Variants in SPIRE2 observed in about 807,000 individuals in gnomAD.
SPIRE2 encodes spire type actin nucleation factor 2.
SPIRE2 carries 76 observed loss-of-function variants against 80.7 expected under a neutral mutation model. That is an observed-to-expected ratio of 0.94 (90% CI 0.78 to 1.14). The LOEUF (loss-of-function observed/expected upper bound fraction) is 1.14, where lower values mean the gene tolerates loss of function less well. Ranked by LOEUF, SPIRE2 falls within the 50% of genes most tolerant of loss-of-function variation. The pLI, the probability that SPIRE2 is intolerant of heterozygous loss-of-function variation, is 0.00. For synonymous variants in SPIRE2, 535 were observed against 432.6 expected (o/e 1.24, Z -2.94); for missense variants, 1,196 against 1,015.3 (o/e 1.18, Z -2.42).
At chr16:89,850,087 C>T (rs962704476) in intron 2 of SPIRE2, 6 of 679,584 alleles carry the variant, frequency 8.8e-6, no homozygotes, top group South Asian at 6.1e-5. Context: ...CCGCCCGCCT[C>T]GGCCTCCCAA....
chr16:89,847,544 G>C (rs1017247538), intron 2 of SPIRE2, among the ~76,000 whole-genome samples: 5 of 152,188 alleles, frequency 3.3e-5, no homozygotes, highest in African/African-American at 9.7e-5. Context: ...AGCCTGGACT[G>C]TTTGTCTCAG....
chr16:89,871,181 A>T lies in SPIRE2; in HGVS notation c.*909A>T, dbSNP rs1244875021. On this transcript the variant is annotated 3_prime_UTR_variant, in exon 15 of 15. Transcript: ENST00000378247. ...CATGTGTCCTGCCTCTCCTGGCCCT[A>T]CCACATTCTGGTGCTGTCCTCACTC... 6.6e-6 allele frequency: 1 copy of T among 152,102 alleles called. No individual in the cohort carries two copies. The highest frequency in any genetic ancestry group is 1.5e-5 in the Non-Finnish European group (1 of 68,236). 9.4% of individuals were successfully genotyped at this position (152,102 alleles called of 1,614,324 possible). A position where few individuals can be genotyped will look rare whatever the true frequency, so the allele number is the denominator to read the frequency against.
chr16:89,863,722 G>A lies in SPIRE2; in HGVS notation c.1711-72G>A. Reference sequence around the variant, plus strand: ...CATGATCTGGTTGGGAGCCCTGAGGGGGTAGCAGGGACAGGGCGGGACCCC... The same window carrying A: ...CATGATCTGGTTGGGAGCCCTGAGGAGGTAGCAGGGACAGGGCGGGACCCC... On this transcript the variant is annotated intron_variant, in intron 11 of 14. Coordinates refer to ENST00000378247, the MANE Select transcript of SPIRE2 (RefSeq NM_032451.2). The surrounding 1 kb of genome is among the most constrained non-coding windows in gnomAD (Gnocchi z 4.3). The A allele has an allele frequency of 1.2e-6, 2 of 1,604,160 alleles. No individual in the cohort carries two copies. Among genetic ancestry groups the A allele is most frequent in the Non-Finnish European group, 1.7e-6 (2 of 1,171,096 alleles).
Position 89,863,230 on chromosome 16 carries a change from C to T in SPIRE2, c.1576-246C>T, listed in dbSNP as rs550706841. On this transcript the variant is annotated intron_variant, in intron 10 of 14. Coordinates refer to ENST00000378247, the MANE Select transcript of SPIRE2 (RefSeq NM_032451.2). The surrounding 1 kb of genome is among the most constrained non-coding windows in gnomAD (Gnocchi z 4.3). ...TGGGCTGAGGGGAGTTTGTGTGGAG[C>T]GTGGCCAGTGAAGGCTGGGCTGGCC... 4 of 553,268 alleles carry T rather than the reference C, an allele frequency of 7.2e-6. No homozygotes were observed. Among genetic ancestry groups the T allele is most frequent in the East Asian group, 3.1e-5 (1 of 32,312 alleles). 34.3% of individuals were successfully genotyped at this position (553,268 alleles called of 1,614,324 possible).
In SPIRE2 at chr16:89,849,668, C is replaced by T. The variant is rs560550690; in HGVS notation, c.289-636C>T. Among the ~76,000 whole-genome samples, 10 of 152,202 alleles carry T rather than the reference C, an allele frequency of 6.6e-5. No individual in the cohort carries two copies. The South Asian group carries it at 1.7e-3, about 25-fold the overall frequency. On this transcript the variant is annotated intron_variant, in intron 2 of 14. Transcript: ENST00000378247. ...CTGTGGGCCTGGAAGTCGGTGCAGA[C>T]GATGGTGACTAGGGTGGGCAGGTCG...
chr16:89,869,675 A>C lies in SPIRE2; in HGVS notation c.1915A>C (p.Ile639Leu). ...AACCGCGCCAATCCAGAGAAGAGAC[A>C]TCTTTCAGTGCGTTCTTCGCCTTGC... ...AKTAPIQRRD[I>L]FQSLQGPQWQ... Residue 639 changes from isoleucine to leucine, a missense_variant, in exon 14 of 15, where the codon ATC (isoleucine) becomes CTC (leucine). Coordinates refer to ENST00000378247, the MANE Select transcript of SPIRE2 (RefSeq NM_032451.2). 1 of 1,612,480 alleles carries C rather than the reference A, an allele frequency of 6.2e-7. No individual in the cohort carries two copies. The highest frequency in any genetic ancestry group is 8.5e-7 in the Non-Finnish European group (1 of 1,178,512).
At chr16:89,834,580 T>C (rs1397542925) in intron 1 of SPIRE2, among the ~76,000 whole-genome samples, 1 of 110,232 alleles carries the variant, frequency 9.1e-6, no homozygotes, top group Non-Finnish European at 1.9e-5. Flanking sequence ...GAAGGCCCCA[T>C]AAGCATAGCC....
rs767990232 is a variant in SPIRE2 at position 89,863,526 on chromosome 16, G to A, written c.1626G>A (p.Met542Ile). The part of the protein sequence containing the change: ...ESLALTVEEV[M>I]DVRRVLVKAE... ...TGGCGCTGACTGTGGAAGAGGTGAT[G>A]GACGTGCGCCGTGTGCTGGTGAAGG... The change falls in exon 11 of 15, where the codon ATG (methionine) becomes ATA (isoleucine). Residue 542 changes from methionine (M) to isoleucine (I), a missense_variant. Coordinates refer to ENST00000378247, the MANE Select transcript of SPIRE2 (RefSeq NM_032451.2). The surrounding 1 kb of genome is among the most constrained non-coding windows in gnomAD (Gnocchi z 4.3). 1 of 1,614,100 alleles carries A rather than the reference G, an allele frequency of 6.2e-7. No individual in the cohort carries two copies. Among genetic ancestry groups the A allele is most frequent in the Non-Finnish European group, 8.5e-7 (1 of 1,180,034 alleles).
rs948805957 is a variant in SPIRE2 at position 89,870,369 on chromosome 16, T to C, written c.*97T>C. 7.4e-6 allele frequency: 5 copies of C among 673,620 alleles called. No homozygotes were observed. The highest frequency in any genetic ancestry group is 5.4e-5 in the African/African-American group (3 of 55,560). 41.7% of individuals were successfully genotyped at this position (673,620 alleles called of 1,614,324 possible). ...GCATGTACATATATACATATATAGA[T>C]ACATTTATAATATATACACACAGTC... On this transcript the variant is annotated 3_prime_UTR_variant, in exon 15 of 15. Coordinates refer to ENST00000378247, the MANE Select transcript of SPIRE2 (RefSeq NM_032451.2).
At chr16:89,839,018 A>C (rs193049885) in intron 1 of SPIRE2, among the ~76,000 whole-genome samples, 5 of 150,968 alleles carry the variant, frequency 3.3e-5, no homozygotes, top group African/African-American at 9.7e-5. Flanking sequence ...ACGTGTCTCA[A>C]GTGGACACAT....
chr16:89,839,820 A>C (rs540260465), intron 1 of SPIRE2, among the ~76,000 whole-genome samples: 5 of 152,350 alleles, frequency 3.3e-5, no homozygotes, highest in Admixed American at 3.3e-4. Flanking sequence ...TCCTGACCCC[A>C]AGGCTAAGAG....
At position 89,854,619 on chromosome 16, in the gene SPIRE2, CG is replaced by C; in HGVS notation, c.862del (p.Ala288ProfsTer19). On this transcript the variant is annotated frameshift_variant, in exon 5 of 15. Transcript: ENST00000378247. LOFTEE classifies it high-confidence loss of function. Reference sequence around the variant, plus strand: ...CTTCGAGATGCTGATGCAGGACATCCGGGCCCGGAACTACAAGCTGCGCAAG... The same window carrying C: ...CTTCGAGATGCTGATGCAGGACATCCGGCCCGGAACTACAAGCTGCGCAAG... ...TPFEMLMQDI[R>X]ARNYKLRKVM... 3.7e-6 allele frequency: 6 copies of C among 1,607,380 alleles called. No homozygotes were observed. Among genetic ancestry groups the C allele is most frequent in the Non-Finnish European group, 4.2e-6 (5 of 1,176,550 alleles).
chr16:89,859,931 C>A (rs1246055683), intron 9 of SPIRE2, among the ~76,000 whole-genome samples: 3 of 152,214 alleles, frequency 2.0e-5, no homozygotes, highest in Non-Finnish European at 4.4e-5. Context: ...GGGCCAGAGT[C>A]TCGGGACAAT....
chr16:89,836,027 T>G (rs779851928), intron 1 of SPIRE2, among the ~76,000 whole-genome samples: 3 of 151,924 alleles, frequency 2.0e-5, no homozygotes, highest in Admixed American at 6.6e-5. Context: ...ATACAAAAAT[T>G]TGCTGAGCTT....
At chr16:89,853,403 T>C (rs1355003284) in intron 3 of SPIRE2, among the ~76,000 whole-genome samples, 1 of 152,168 alleles carries the variant, frequency 6.6e-6, no homozygotes, top group Non-Finnish European at 1.5e-5. Flanking sequence ...GAAGGGTCTC[T>C]CCATGGGGTG....
intron 3 of SPIRE2, 66 bp downstream of exon 3, chr16:89,850,726 GGGGACT>G: frequency 8.7e-7 from 1 of 1,143,708 alleles, no homozygotes; most frequent in South Asian, 1.6e-5. Context: ...GTGGGTGGGA[GGGGACT>G]GGCAAGGACG....
chr16:89,869,423 G>A lies in SPIRE2; in HGVS notation c.1807-144G>A, dbSNP rs796067722. The A allele has an allele frequency of 1.2e-4, 74 of 619,494 alleles. 2 individuals carry two copies. The highest frequency in any genetic ancestry group is 1.1e-3 in the African/African-American group (61 of 54,644). The allele number at this position is 619,494 out of a possible 1,614,324, so 38.4% of individuals were successfully genotyped here. ...AGCCAAAAGGCACAGAGGAGACATCGGAGAGCACAGGGACAGAGAATATTC... is the reference window on the plus strand; with the variant it reads ...AGCCAAAAGGCACAGAGGAGACATCAGAGAGCACAGGGACAGAGAATATTC... On this transcript the variant is annotated intron_variant, in intron 13 of 14. Transcript: ENST00000378247.
At position 89,859,227 on chromosome 16, in the gene SPIRE2, C is replaced by A. The variant is rs758357045; in HGVS notation, c.1335C>A (p.Asp445Glu). 36 of 1,606,804 alleles carry A rather than the reference C, an allele frequency of 2.2e-5. No homozygotes were observed. In the Admixed American group the frequency reaches 5.7e-4, roughly 26 times the overall value. Residue 445 changes from aspartate to glutamate, a missense_variant, in exon 9 of 15, where the codon GAC becomes GAA. Transcript: ENST00000378247. Reference protein sequence around the residue: ...LKRDRSFSEHDLAQLRSEVAS... With the variant: ...LKRDRSFSEHELAQLRSEVAS... ...GGGACCGCTCCTTCTCAGAGCATGA[C>A]CTGGCCCAGCTCCGAAGTGAGGTGG... is the stretch of plus-strand genomic sequence containing the variant.
At position 89,850,299 on chromosome 16, in the gene SPIRE2, C is replaced by A; in HGVS notation, c.289-5C>A. ...CCGCCCAGTGACCGCGCCCCTGTCC[C>A]GCAGACCGTGCAGTCCCTCGGCTTC... On this transcript the variant is annotated splice_region_variant and splice_polypyrimidine_tract_variant and intron_variant, in intron 2 of 14. Transcript: ENST00000378247. 1 of 1,601,588 alleles carries A rather than the reference C, an allele frequency of 6.2e-7. No homozygotes were observed. The highest frequency in any genetic ancestry group is 2.2e-5 in the East Asian group (1 of 44,460).
Sources: gnomAD v4.1 joint callset for allele counts (sites outside exome capture counted in the v4.1 genomes callset) on GRCh38, gnomAD v4.1.1 for gene constraint, Gnocchi (gnomAD v3.1) non-coding constraint, MANE v1.5 for transcripts, NCBI Gene and HGNC (gene_info 2026-07-23, HGNC 2026-07-21) for gene names.